Variants in MACROD2 observed in about 807,000 individuals in gnomAD.
MACROD2 encodes the protein ADP-ribose glycohydrolase MACROD2.
Under a neutral mutation model 70.4 loss-of-function variants are expected in MACROD2, and 36 were observed. The ratio of observed to expected loss-of-function variants is 0.51; its 90% confidence interval spans 0.39 to 0.68. The LOEUF is 0.68. Ranked by LOEUF, MACROD2 falls within the 30% of genes least tolerant of loss-of-function variation. The pLI is 0.00. For missense variants in MACROD2, 496 were observed against 538.4 expected, an observed-to-expected ratio of 0.92 and a Z score of 0.78; for synonymous variants, 172 against 178.8, an observed-to-expected ratio of 0.96 and a Z score of 0.30.
chr20:15,612,279 A>T (rs1166708698), intron 8 of MACROD2, among the ~76,000 whole-genome samples: 1 of 152,192 alleles, frequency 6.6e-6, no homozygotes, highest in East Asian at 1.9e-4. Flanking sequence ...CTTGTCCCCA[A>T]GACTTTACTT....
chr20:15,335,913 G>T (rs1171640698), intron 6 of MACROD2, among the ~76,000 whole-genome samples: 1 of 151,582 alleles, frequency 6.6e-6, no homozygotes, highest in East Asian at 1.9e-4. Flanking sequence ...TGCCCAAGGG[G>T]TCTATTTGCA....
At chr20:15,274,816 A>G (rs1227397795) in intron 6 of MACROD2, among the ~76,000 whole-genome samples, 3 of 152,256 alleles carry the variant, frequency 2.0e-5, no homozygotes, top group African/African-American at 4.8e-5. Flanking sequence ...GATAATTGAA[A>G]CAGAGGACAA....
At chr20:14,282,571 TTCTTGG>T (rs2082314706) in intron 3 of MACROD2, among the ~76,000 whole-genome samples, 2 of 152,236 alleles carry the variant, frequency 1.3e-5, no homozygotes, top group African/African-American at 4.8e-5. Context: ...TATTCGGCCA[TTCTTGG>T]ATTGCTTTAA....
At chr20:15,732,540 T>C (rs1359870114) in intron 8 of MACROD2, among the ~76,000 whole-genome samples, 2 of 152,256 alleles carry the variant, frequency 1.3e-5, no homozygotes, top group Non-Finnish European at 2.9e-5. Context: ...TTTCTGTCTC[T>C]ACTAATTAAC....
chr20:15,147,207 T>C (rs886639865), intron 5 of MACROD2, among the ~76,000 whole-genome samples: 2 of 152,196 alleles, frequency 1.3e-5, no homozygotes, highest in African/African-American at 4.8e-5. Context: ...TTTTAATTCA[T>C]GGTACTTTTT....
chr20:14,067,162 T>TC (rs1228540370), intron 2 of MACROD2, among the ~76,000 whole-genome samples: 3 of 139,588 alleles, frequency 2.1e-5, no homozygotes, highest in East Asian at 2.2e-4. Context: ...TCTTGCTCTG[T>TC]TGCCAGGCTG....
chr20:14,028,055 G>A (rs1451090983), intron 2 of MACROD2, among the ~76,000 whole-genome samples: 2 of 152,196 alleles, frequency 1.3e-5, no homozygotes, highest in Admixed American at 1.3e-4. Flanking sequence ...GGAGTTGGGA[G>A]TTTTACCTGT....
intron 5 of MACROD2, among the ~76,000 whole-genome samples, chr20:14,736,686 C>T (rs780971328): frequency 2.0e-5 from 3 of 151,988 alleles, no homozygotes; most frequent in African/African-American, 4.8e-5. Flanking sequence ...ATCATCATGA[C>T]GACTCTCTGA....
chr20:15,749,835 G>A (rs541154553), intron 8 of MACROD2, among the ~76,000 whole-genome samples: 1 of 151,892 alleles, frequency 6.6e-6, no homozygotes, highest in Non-Finnish European at 1.5e-5. Flanking sequence ...CCTATCTCTC[G>A]CTACATACAA....
chr20:15,777,951 A>G (rs1361986660), intron 8 of MACROD2, among the ~76,000 whole-genome samples: 1 of 152,070 alleles, frequency 6.6e-6, no homozygotes, highest in Non-Finnish European at 1.5e-5. Context: ...GCACCCCACC[A>G]GAGCCAGGTT....
chr20:15,759,102 CG>C (rs1375448689), intron 8 of MACROD2, among the ~76,000 whole-genome samples: 1 of 140,616 alleles, frequency 7.1e-6, no homozygotes, highest in African/African-American at 2.7e-5. Context: ...GCCAAGATTG[CG>C]CCACTGTACT....
intron 5 of MACROD2, among the ~76,000 whole-genome samples, chr20:15,034,046 A>G (rs1194448236): frequency 1.3e-5 from 2 of 152,202 alleles, no homozygotes; most frequent in Non-Finnish European, 2.9e-5. Context: ...CTGGCACAAA[A>G]TATACAGGAA....
In MACROD2 at chr20:14,948,017, C is replaced by CGCCT. The variant is rs145304824; in HGVS notation, c.418+263061_418+263064dup. ...CTTAACTTTCAAGGAGCAGCTCCCT[C>CGCCT]GCCTGCTCCAGAGCAAGTATTTCCC... On this transcript the variant is annotated intron_variant, in intron 5 of 17. Transcript: ENST00000684519. 9.0e-3 allele frequency among the ~76,000 whole-genome samples: 1,367 copies of CGCCT among 152,232 alleles called. 31 individuals carry two copies. Among genetic ancestry groups the CGCCT allele is most frequent in the East Asian group, 0.077 (395 of 5,162 alleles).
At chr20:14,788,855 G>A (rs916622035) in intron 5 of MACROD2, among the ~76,000 whole-genome samples, 2 of 133,406 alleles carry the variant, frequency 1.5e-5, no homozygotes, top group African/African-American at 2.8e-5. Context: ...TGCAATCTCC[G>A]CTTCCTGGGT....
chr20:14,903,823 G>A (rs988715058), intron 5 of MACROD2, among the ~76,000 whole-genome samples: 1 of 152,122 alleles, frequency 6.6e-6, no homozygotes, highest in African/African-American at 2.4e-5. Context: ...CCCACTATCA[G>A]TGTATGACTT....
intron 6 of MACROD2, among the ~76,000 whole-genome samples, chr20:15,409,107 G>A (rs1315021624): frequency 6.6e-6 from 1 of 152,092 alleles, no homozygotes; most frequent in African/African-American, 2.4e-5. Flanking sequence ...GCCAGTTCTG[G>A]TTGGATATAG....
At chr20:14,522,037 C>T (rs1206416883) in intron 4 of MACROD2, among the ~76,000 whole-genome samples, 5 of 152,160 alleles carry the variant, frequency 3.3e-5, no homozygotes, top group Admixed American at 6.5e-5. Flanking sequence ...GCCTTCCCGT[C>T]GAAGCCGCTG....
chr20:15,188,069 A>G (rs1335824656), intron 5 of MACROD2, among the ~76,000 whole-genome samples: 1 of 152,204 alleles, frequency 6.6e-6, no homozygotes, highest in East Asian at 1.9e-4. Flanking sequence ...ATCTAGGAAA[A>G]GAACATTCAA....
At chr20:14,279,269 A>T (rs939626746) in intron 3 of MACROD2, among the ~76,000 whole-genome samples, 1 of 152,170 alleles carries the variant, frequency 6.6e-6, no homozygotes, top group African/African-American at 2.4e-5. Flanking sequence ...TCCTCTTCCT[A>T]AAAACAAAAA....
Sources: allele counts gnomAD v4.1 joint callset (sites outside exome capture counted in the v4.1 genomes callset), GRCh38; gene constraint gnomAD v4.1.1; transcripts MANE v1.5; gene names NCBI Gene and HGNC (gene_info 2026-07-23, HGNC 2026-07-21).